ABCA4: variants seen among roughly 807,000 people sequenced by gnomAD.
ABCA4 encodes ATP binding cassette subfamily A member 4.
Under a neutral mutation model 263.7 loss-of-function variants are expected in ABCA4, and 196 were observed. The ratio of observed to expected loss-of-function variants is 0.74; its 90% confidence interval spans 0.66 to 0.84. The LOEUF is 0.84. ABCA4 is among the 40% of genes least tolerant of loss of function. The pLI, the probability that ABCA4 is intolerant of heterozygous loss-of-function variation, is 0.00. For synonymous variants in ABCA4, 1,133 were observed against 1,094.2 expected (o/e 1.04, Z -0.70); for missense variants, 2,792 against 2,855.1 (o/e 0.98, Z 0.50).
At chr1:94,099,668 G>A (rs191033445) in intron 5 of ABCA4, among the ~76,000 whole-genome samples, 2 of 152,292 alleles carry the variant, frequency 1.3e-5, no homozygotes, top group Admixed American at 6.5e-5. Context: ...ATGCCCAGTC[G>A]AATCTGAATT....
At position 94,043,318 on chromosome 1, in the gene ABCA4, C is replaced by T. The variant is rs1660571534; in HGVS notation, c.3190+18G>A. 2 of 1,613,960 alleles carry T rather than the reference C, an allele frequency of 1.2e-6. No homozygotes were observed. Among genetic ancestry groups the T allele is most frequent in the Non-Finnish European group, 8.5e-7 (1 of 1,179,910 alleles). ...GGATTTGCCATCTGTGGCCCTGTCTCCATCCAGCTCTGAGCACCTGATAGG... is the reference window on the plus strand; with the variant it reads ...GGATTTGCCATCTGTGGCCCTGTCTTCATCCAGCTCTGAGCACCTGATAGG... On this transcript the variant is annotated intron_variant, in intron 21 of 49. Transcript: ENST00000370225.
At position 94,099,002 on chromosome 1, in the gene ABCA4, A is replaced by C; in HGVS notation, c.571-11T>G. Reference sequence around the variant, plus strand: ...GACTCCATGAGCGAACTGCAGGGAGAAGAGGCAACACTAGAAACTGCCCTG... The same window carrying C: ...GACTCCATGAGCGAACTGCAGGGAGCAGAGGCAACACTAGAAACTGCCCTG... On this transcript the variant is annotated splice_polypyrimidine_tract_variant and intron_variant, in intron 5 of 49. Transcript: ENST00000370225. 1 of 1,600,864 alleles carries C rather than the reference A, an allele frequency of 6.2e-7. No individual in the cohort carries two copies. The highest frequency in any genetic ancestry group is 1.1e-5 in the South Asian group (1 of 90,516).
At chr1:93,993,924 C>T (rs890892763) in intron 49 of ABCA4, among the ~76,000 whole-genome samples, 1 of 152,116 alleles carries the variant, frequency 6.6e-6, no homozygotes, top group Non-Finnish European at 1.5e-5. Context: ...AAGGCCTGAC[C>T]AGTCTAGACG....
intron 11 of ABCA4, among the ~76,000 whole-genome samples, chr1:94,066,174 A>T (rs1276541912): frequency 6.6e-6 from 1 of 152,230 alleles, no homozygotes; most frequent in African/African-American, 2.4e-5. Flanking sequence ...ACAGTCCCTG[A>T]CCATGGGCCT....
chr1:94,102,952 GC>G, intron 5 of ABCA4, 62 bp downstream of exon 5: 2 of 1,605,808 alleles, frequency 1.2e-6, no homozygotes, highest in African/African-American at 1.3e-5. Context: ...TATATTTCTT[GC>G]CTTTCTCAGG....
chr1:94,085,141 G>A (rs1661797039), intron 6 of ABCA4, among the ~76,000 whole-genome samples: 2 of 145,050 alleles, frequency 1.4e-5, no homozygotes, highest in South Asian at 4.2e-4. Context: ...TCATAGCATG[G>A]TGATTTTGTT....
chr1:94,098,703 C>T, intron 6 of ABCA4, 91 bp downstream of exon 6: 1 of 1,451,564 alleles, frequency 6.9e-7, no homozygotes, highest in East Asian at 2.3e-5. Context: ...TCCAGAACAC[C>T]AGGCTCACGC....
chr1:93,995,859 G>A (rs1658984837), intron 49 of ABCA4, among the ~76,000 whole-genome samples: 1 of 152,186 alleles, frequency 6.6e-6, no homozygotes, highest in Non-Finnish European at 1.5e-5. Flanking sequence ...CTATCCAGAT[G>A]GTTTCCTGAT....
chr1:94,104,797 T>C (rs1027707894), intron 4 of ABCA4, among the ~76,000 whole-genome samples: 1 of 152,084 alleles, frequency 6.6e-6, no homozygotes, highest in Non-Finnish European at 1.5e-5. Flanking sequence ...TATTCTAGTC[T>C]TCCCTCTTCA....
At chr1:94,107,246 C>T (rs868078696) in intron 4 of ABCA4, among the ~76,000 whole-genome samples, 1 of 152,148 alleles carries the variant, frequency 6.6e-6, no homozygotes, top group African/African-American at 2.4e-5. Context: ...TCCCAGAAGC[C>T]CCTAACAGCT....
intron 24 of ABCA4, 32 bp from the exon 25 acceptor site, chr1:94,037,382 T>C: frequency 1.2e-6 from 2 of 1,603,004 alleles, no homozygotes; most frequent in Non-Finnish European, 1.7e-6. Context: ...ATGCCAGCTC[T>C]GTTTTCCAGA....
At chr1:94,003,449 A>T (rs1332300619) in intron 44 of ABCA4, among the ~76,000 whole-genome samples, 1 of 151,818 alleles carries the variant, frequency 6.6e-6, no homozygotes, top group African/African-American at 2.4e-5. Context: ...TGGATTCTAC[A>T]TAAGTGAAAT....
chr1:94,098,288 G>A (rs1231758785), intron 6 of ABCA4, among the ~76,000 whole-genome samples: 2 of 152,172 alleles, frequency 1.3e-5, no homozygotes, highest in Non-Finnish European at 2.9e-5. Context: ...ACCAACCATT[G>A]AGGTTGAGAC....
intron 23 of ABCA4, 96 bp downstream of exon 23, chr1:94,041,113 C>G (rs560631009): frequency 1.6e-6 from 2 of 1,278,370 alleles, no homozygotes; most frequent in East Asian, 2.3e-5. Flanking sequence ...ATTCTGGTGG[C>G]GAGAGCCTGT....
intron 6 of ABCA4, among the ~76,000 whole-genome samples, chr1:94,092,715 C>T (rs1297832125): frequency 3.3e-5 from 5 of 152,054 alleles, no homozygotes; most frequent in Non-Finnish European, 7.4e-5. Flanking sequence ...TTTTTCTGTC[C>T]GTCCCAGTAT....
chr1:94,026,221 CCT>C (rs539334404), intron 30 of ABCA4, among the ~76,000 whole-genome samples: 109 of 152,284 alleles, frequency 7.2e-4, no homozygotes, highest in South Asian at 5.2e-3. Context: ...ATCTCCTCCC[CCT>C]GTTTTCCCAT....
intron 7 of ABCA4, among the ~76,000 whole-genome samples, chr1:94,081,000 G>A (rs1324435526): frequency 4.6e-5 from 7 of 152,076 alleles, no homozygotes; most frequent in South Asian, 2.1e-4. Context: ...CGAGGCGGGC[G>A]GATCACGAGG....
chr1:94,082,050 C>T (rs935260312), intron 7 of ABCA4, among the ~76,000 whole-genome samples: 1 of 152,196 alleles, frequency 6.6e-6, no homozygotes, highest in Non-Finnish European at 1.5e-5. Context: ...TCTTTGTCCA[C>T]ATGCCAACAC....
Position 94,098,836 on chromosome 1 carries a change from G to A in ABCA4, c.726C>T (p.Asp242=), listed in dbSNP as rs766869751. The change falls in exon 6 of 50, where the codon GAC becomes GAT. Residue 242 remains aspartate (D), a synonymous_variant. Transcript: ENST00000370225. ...AGAAGTCCACGTTGGCATACAGAGT[G>A]TCTTCTATCCACTGTAGGGTGCCCT... The part of the protein sequence containing the change: ...LSQGTLQWIE[D]TLYANVDFFK... The A allele has an allele frequency of 3.1e-6, 5 of 1,614,084 alleles. No homozygotes were observed. The highest frequency in any genetic ancestry group is 3.4e-6 in the Non-Finnish European group (4 of 1,180,048).
Sources: gnomAD v4.1 joint callset for allele counts (sites outside exome capture counted in the v4.1 genomes callset) on GRCh38, gnomAD v4.1.1 for gene constraint, MANE v1.5 for transcripts, NCBI Gene and HGNC (gene_info 2026-07-23, HGNC 2026-07-21) for gene names.